Variants in TPST1 observed in about 807,000 individuals in gnomAD.
The protein encoded by TPST1 is protein-tyrosine sulfotransferase 1.
Under a neutral mutation model 34.8 loss-of-function variants are expected in TPST1, and 20 were observed. The ratio of observed to expected loss-of-function variants is 0.57; its 90% CI spans 0.40 to 0.84. The LOEUF is 0.84. TPST1 is among the 40% of genes least tolerant of loss of function. TPST1 has a pLI of 0.00. For missense variants in TPST1, 353 were observed against 455.5 expected (o/e 0.78, Z 2.05); for synonymous variants, 152 against 159.4 (o/e 0.95, Z 0.35).
chr7:66,352,505 G>T lies in TPST1; in HGVS notation c.1045G>T (p.Val349Phe). Residue 349 changes from valine to phenylalanine, a missense_variant and splice_region_variant, in exon 4 of 6, where the codon GTC becomes TTC. Coordinates refer to ENST00000304842, the MANE Select transcript of TPST1 (RefSeq NM_003596.4). ...DPKIIENTRR[V>F]YKGEFQLPDF... ...ACTCACGCCTGCTTTGTTTTTCCAG[G>T]TCTATAAGGGAGAATTCCAACTACC... 2 of 1,611,986 alleles carry T rather than the reference G, an allele frequency of 1.2e-6. No homozygotes were observed. The highest frequency in any genetic ancestry group is 1.7e-5 in the Admixed American group (1 of 59,142).
intron 3 of TPST1, among the ~76,000 whole-genome samples, chr7:66,328,769 TCC>T (rs1349926179): frequency 3.3e-5 from 5 of 149,806 alleles, no homozygotes; most frequent in Admixed American, 3.3e-4. Flanking sequence ...GGTCTTGAAC[TCC>T]TGGCATCAAG....
intron 4 of TPST1, among the ~76,000 whole-genome samples, chr7:66,355,898 C>A (rs1792572640): frequency 1.6e-5 from 2 of 126,768 alleles, no homozygotes; most frequent in South Asian, 2.7e-4. Context: ...GAGCAAGACT[C>A]CATCAAAAAA....
At chr7:66,295,767 G>A (rs1266981449) in intron 3 of TPST1, among the ~76,000 whole-genome samples, 4 of 151,992 alleles carry the variant, frequency 2.6e-5, no homozygotes, top group African/African-American at 4.8e-5. Context: ...CCTCAGGTGG[G>A]ATTATAGGCA....
intron 3 of TPST1, among the ~76,000 whole-genome samples, chr7:66,339,722 A>G (rs1474924532): frequency 2.0e-5 from 3 of 151,884 alleles, no homozygotes; most frequent in East Asian, 1.9e-4. Context: ...ATCAGAAAAA[A>G]TACCTATTCG....
chr7:66,320,245 C>CTTTTTTTTTTTTTTTTTTTT (rs569746911), intron 3 of TPST1, among the ~76,000 whole-genome samples: 5 of 126,388 alleles, frequency 4.0e-5, no homozygotes, highest in Admixed American at 8.2e-5. Context: ...TTTTCTTTTT[C>CTTTTTTTTTTTTTTTTTTTT]TTTTTTTTTT....
intron 3 of TPST1, among the ~76,000 whole-genome samples, chr7:66,313,851 G>GC (rs1562840534): frequency 6.6e-6 from 1 of 151,084 alleles, no homozygotes; most frequent in African/African-American, 2.4e-5. Context: ...GGACTTTGTA[G>GC]TTTTTTTTTC....
chr7:66,226,933 A>G (rs2116321123), intron 1 of TPST1, among the ~76,000 whole-genome samples: 1 of 150,122 alleles, frequency 6.7e-6, no homozygotes, highest in South Asian at 2.1e-4. Flanking sequence ...AATTAGTGCT[A>G]CTTTTTGGAT....
intron 3 of TPST1, among the ~76,000 whole-genome samples, chr7:66,297,112 G>A (rs1010571112): frequency 2.6e-5 from 4 of 152,158 alleles, no homozygotes; most frequent in African/African-American, 9.7e-5. Context: ...GGATGCATGT[G>A]TGCCAGAAGC....
chr7:66,287,236 TC>T (rs1791064395), intron 3 of TPST1, among the ~76,000 whole-genome samples: 1 of 68,276 alleles, frequency 1.5e-5, no homozygotes, highest in Non-Finnish European at 2.7e-5. Context: ...TGCCACATTT[TC>T]TTAATCCAGT....
intron 3 of TPST1, among the ~76,000 whole-genome samples, chr7:66,345,737 A>G (rs1792336878): frequency 6.6e-6 from 1 of 152,008 alleles, no homozygotes; most frequent in Non-Finnish European, 1.5e-5. Context: ...GGTACATGAG[A>G]TATTTTGATG....
chr7:66,216,011 TCCG>T, intron 1 of TPST1, among the ~76,000 whole-genome samples: 1 of 152,112 alleles, frequency 6.6e-6, no homozygotes, highest in East Asian at 1.9e-4. Context: ...GACCTTGTGA[TCCG>T]CCCGCCTTGG....
At chr7:66,256,145 A>G (rs532982619) in intron 2 of TPST1, among the ~76,000 whole-genome samples, 1 of 152,332 alleles carries the variant, frequency 6.6e-6, no homozygotes, top group East Asian at 1.9e-4. Context: ...AGTTCACTCT[A>G]AAGGGAATAT....
intron 3 of TPST1, among the ~76,000 whole-genome samples, chr7:66,351,875 T>G (rs1792486540): frequency 1.3e-5 from 2 of 152,310 alleles, no homozygotes; most frequent in East Asian, 3.8e-4. Context: ...TTCAGTGGGC[T>G]TTTAAATGTA....
chr7:66,340,854 T>C (rs958634440), intron 3 of TPST1, among the ~76,000 whole-genome samples: 4 of 152,018 alleles, frequency 2.6e-5, no homozygotes, highest in African/African-American at 4.8e-5. Flanking sequence ...CTACTAAAAA[T>C]AGAAAAATTA....
rs111635495 is a variant in TPST1, at chr7:66,246,307, C to T, written c.845+5037C>T. The stretch of plus-strand genomic sequence containing the variant: ...TGGCCTCCCAAAGTGCTGGGATTAC[C>T]GCTGTGAGCTGCCATGCCCAGCCTC... On this transcript the variant is annotated intron_variant, in intron 2 of 5. Transcript: ENST00000304842. Among the ~76,000 whole-genome samples, 276 of 150,576 alleles carry T rather than the reference C, an allele frequency of 1.8e-3. 2 individuals are homozygous for T. Among genetic ancestry groups the T allele is most frequent in the African/African-American group, 6.5e-3 (268 of 41,108 alleles).
intron 1 of TPST1, among the ~76,000 whole-genome samples, chr7:66,231,965 T>C (rs1339558070): frequency 6.6e-6 from 1 of 152,266 alleles, no homozygotes; most frequent in East Asian, 1.9e-4. Flanking sequence ...TTGTAGCATG[T>C]ATTTGTTCTT....
intron 3 of TPST1, among the ~76,000 whole-genome samples, chr7:66,308,974 T>C (rs910037246): frequency 6.6e-6 from 1 of 152,194 alleles, no homozygotes; most frequent in Non-Finnish European, 1.5e-5. Context: ...TCTCAGCTCA[T>C]TGCAACCTCT....
chr7:66,307,199 G>A (rs1398169141), intron 3 of TPST1, among the ~76,000 whole-genome samples: 1 of 149,822 alleles, frequency 6.7e-6, no homozygotes, highest in Non-Finnish European at 1.5e-5. Context: ...CTCACTGCAA[G>A]GTCCGCCTCC....
chr7:66,296,862 A>T (rs1200793470), intron 3 of TPST1, among the ~76,000 whole-genome samples: 6 of 152,048 alleles, frequency 3.9e-5, no homozygotes, highest in Non-Finnish European at 8.8e-5. Flanking sequence ...ATAGTCTCTA[A>T]TCCTAAAATT....
Sources: allele counts gnomAD v4.1 joint callset (sites outside exome capture counted in the v4.1 genomes callset), GRCh38; gene constraint gnomAD v4.1.1; transcripts MANE v1.5; gene names NCBI Gene and HGNC (gene_info 2026-07-23, HGNC 2026-07-21).